The following SCRN1 variants were observed in gnomAD, a reference collection of about 807,000 sequenced individuals.
The protein encoded by SCRN1 is secernin 1.
A neutral mutation model predicts 43.3 loss-of-function variants in SCRN1; 19 were observed. The observed-to-expected ratio is 0.44, with a 90% confidence interval of 0.31 to 0.64. SCRN1 has a LOEUF of 0.64. Among genes scored for constraint, SCRN1 ranks in the 30% least tolerant of loss-of-function variants. The pLI is 0.09. For synonymous variants in SCRN1, 183 were observed against 188.9 expected (o/e 0.97, Z 0.26); for missense variants, 447 against 524.1 (o/e 0.85, Z 1.44).
chr7:29,949,380 CTTTT>C (rs796277151), intron 3 of SCRN1, among the ~76,000 whole-genome samples: 4 of 135,600 alleles, frequency 2.9e-5, no homozygotes, highest in Non-Finnish European at 4.8e-5. Flanking sequence ...TTCCTTCACT[CTTTT>C]TTTTTTTTTT....
chr7:29,932,651 C>CAAAAAAAAAA lies in SCRN1; in HGVS notation c.905+3895_905+3904dup, dbSNP rs1162835669. On this transcript the variant is annotated intron_variant, in intron 6 of 7. Coordinates refer to ENST00000242059, the MANE Select transcript of SCRN1 (RefSeq NM_014766.5). ...TAGGTAACAGAGTGAGATTCCATCT[C>CAAAAAAAAAA]AAAAAAAAAAAAAAAAAAAAAAAAA... Among the ~76,000 whole-genome samples, 22 of 8,048 alleles carry CAAAAAAAAAA rather than the reference C, an allele frequency of 2.7e-3. 1 individual carries two copies. The highest frequency in any genetic ancestry group is 8.9e-3 in the African/African-American group (21 of 2,362). 5.3% of individuals were successfully genotyped at this position (8,048 alleles called of 152,430 possible).
Position 29,924,008 on chromosome 7 carries a change from C to G in SCRN1, c.1194G>C (p.Val398=). ...CAACACAGTCATAGAAAAGGTCCCC[C>G]ACTTCCGCAGGGTCCAGTGGCTCGG... ...TSSEPLDPAE[V]GDLFYDCVDT... Residue 398 remains valine, a synonymous_variant, in exon 8 of 8, where the codon GTG becomes GTC. Coordinates refer to ENST00000242059, the MANE Select transcript of SCRN1 (RefSeq NM_014766.5). 6.2e-7 allele frequency: 1 copy of G among 1,614,124 alleles called. No individual in the cohort carries two copies.
intron 1 of SCRN1, among the ~76,000 whole-genome samples, chr7:29,985,207 G>A (rs1218648305): frequency 7.0e-6 from 1 of 142,430 alleles, no homozygotes; most frequent in South Asian, 2.2e-4. Flanking sequence ...AGTTTGAGAC[G>A]AGCCTGACCA....
rs529250656 is a variant in SCRN1 at position 29,951,336 on chromosome 7, C to T, written c.341+3843G>A. ...TGCTCACACACCCCTTTCCTCTCTG[C>T]GCCTGGCTTGTGCTTGGAAGGCATG... is the stretch of plus-strand genomic sequence containing the variant. On this transcript the variant is annotated intron_variant, in intron 3 of 7. Transcript: ENST00000242059. 2.8e-4 allele frequency among the ~76,000 whole-genome samples: 42 copies of T among 152,344 alleles called. No homozygotes were observed. In the East Asian group the frequency reaches 4.8e-3, roughly 17 times the overall value.
At chr7:29,973,566 A>G (rs921493127) in intron 1 of SCRN1, among the ~76,000 whole-genome samples, 3 of 152,240 alleles carry the variant, frequency 2.0e-5, no homozygotes, top group Admixed American at 6.5e-5. Flanking sequence ...AGAGGTGGGT[A>G]TATGATGGGC....
chr7:29,924,199 C>G, intron 7 of SCRN1, 84 bp from the exon 8 acceptor site: 14 of 1,404,346 alleles, frequency 1.0e-5, no homozygotes, highest in Admixed American at 2.3e-5. Flanking sequence ...AGGGGGCCAG[C>G]TGGCTTCCTG....
At chr7:29,985,861 A>C in intron 1 of SCRN1, among the ~76,000 whole-genome samples, 1 of 152,124 alleles carries the variant, frequency 6.6e-6, no homozygotes, top group Non-Finnish European at 1.5e-5. Context: ...TTTCTGTTTT[A>C]ACTTCTCCTT....
chr7:29,928,520 T>A (rs1450426535), intron 6 of SCRN1, among the ~76,000 whole-genome samples: 1 of 152,240 alleles, frequency 6.6e-6, no homozygotes, highest in Non-Finnish European at 1.5e-5. Context: ...GCTGGTGAAC[T>A]GAGTGGTACT....
In SCRN1 at chr7:29,924,106, G is replaced by A. The variant is rs1438793959; in HGVS notation, c.1096C>T (p.Arg366Cys). The change falls in exon 8 of 8, where the codon CGC (arginine) becomes TGC (cysteine). Residue 366 changes from arginine to cysteine, a missense_variant. Physicochemically the swap from Arg to Cys is radical, Grantham distance 180 (BLOSUM62 -3). Transcript: ENST00000242059. ...TCCAGCATGGTGCTCCTCAGCTTGC[G>A]ACCTTGCTCCTGAGGAAGGACACGA... ...AIIESDQEQG[R>C]KLRSTMLELE... The A allele has an allele frequency of 5.6e-6, 9 of 1,610,812 alleles. No homozygotes were observed. Among genetic ancestry groups the A allele is most frequent in the African/African-American group, 1.3e-5 (1 of 74,756 alleles).
intron 7 of SCRN1, 28 bp downstream of exon 7, chr7:29,926,424 C>G: frequency 6.2e-7 from 1 of 1,603,340 alleles, no homozygotes; most frequent in Non-Finnish European, 8.5e-7. Flanking sequence ...CCTCCGCCTC[C>G]GCCTCTGTGG....
chr7:29,973,682 G>A (rs1455067737), intron 1 of SCRN1, among the ~76,000 whole-genome samples: 1 of 152,172 alleles, frequency 6.6e-6, no homozygotes, highest in African/African-American at 2.4e-5. Context: ...GTTGAAAATT[G>A]CATACAGACA....
rs1230927388 is a variant in SCRN1, at chr7:29,940,575, A to G, written c.739+107T>C. On this transcript the variant is annotated intron_variant, in intron 5 of 7. Transcript: ENST00000242059. ...AAGTTGGTCTTTACATACAAGGACTATTCTGTATTCCTTTTTGTTCACCCT... is the reference window on the plus strand; with the variant it reads ...AAGTTGGTCTTTACATACAAGGACTGTTCTGTATTCCTTTTTGTTCACCCT... 5 of 1,064,270 alleles carry G rather than the reference A, an allele frequency of 4.7e-6. No individual in the cohort carries two copies. In the African/African-American group the frequency reaches 6.5e-5, roughly 14 times the overall value. 65.9% of individuals were successfully genotyped at this position (1,064,270 alleles called of 1,614,324 possible).
Position 29,968,956 on chromosome 7 carries a change from C to G in SCRN1, c.112G>C (p.Val38Leu). 2 of 1,614,172 alleles carry G rather than the reference C, an allele frequency of 1.2e-6. No homozygotes were observed. The highest frequency in any genetic ancestry group is 1.7e-6 in the Non-Finnish European group (2 of 1,180,028). Residue 38 changes from valine (V) to leucine (L), a missense_variant, in exon 2 of 8, where the codon GTT becomes CTT. By Grantham distance (32) the Val-to-Leu change is conservative (BLOSUM62 1). Coordinates refer to ENST00000242059, the MANE Select transcript of SCRN1 (RefSeq NM_014766.5). ...SARPRDEVQE[V>L]VYFSAADHEP... ...TGATCAGCAGCCGAGAAATACACAACCTCTTGCACTTCATCTCTGGGCCGG... is the reference window on the plus strand; with the variant it reads ...TGATCAGCAGCCGAGAAATACACAAGCTCTTGCACTTCATCTCTGGGCCGG...
rs149858373 is a variant in SCRN1, at chr7:29,969,029, G to A, written c.39C>T (p.Phe13=). The A allele has an allele frequency of 4.1e-5, 66 of 1,613,908 alleles. No individual in the cohort carries two copies. The African/African-American group carries it at 8.5e-4, about 21-fold the overall frequency. Residue 13 remains phenylalanine (F), a synonymous_variant, in exon 2 of 8, where the codon TTC becomes TTT. Coordinates refer to ENST00000242059, the MANE Select transcript of SCRN1 (RefSeq NM_014766.5). ...AAPPSYCFVA[F]PPRAKDGLVV... ...CCAGACCATCCTTAGCACGTGGAGG[G>A]AAGGCAACAAAACAGTAACTTGGAG...
intron 1 of SCRN1, among the ~76,000 whole-genome samples, chr7:29,981,234 TACTC>T (rs1788984119): frequency 6.6e-6 from 1 of 151,730 alleles, no homozygotes; most frequent in Non-Finnish European, 1.5e-5. Flanking sequence ...GTGAAAAAGA[TACTC>T]AGGAAAGCTT....
intron 3 of SCRN1, among the ~76,000 whole-genome samples, chr7:29,953,897 T>G (rs1407598534): frequency 6.6e-6 from 1 of 152,112 alleles, no homozygotes; most frequent in African/African-American, 2.4e-5. Context: ...GACCTCATAT[T>G]GAAAAAATGA....
At chr7:29,981,423 G>T (rs1473945423) in intron 1 of SCRN1, among the ~76,000 whole-genome samples, 1 of 152,234 alleles carries the variant, frequency 6.6e-6, no homozygotes, top group Non-Finnish European at 1.5e-5. Flanking sequence ...AAGAGAGAAA[G>T]TTAGTAACCC....
At chr7:29,987,036 T>C (rs902606012) in intron 1 of SCRN1, among the ~76,000 whole-genome samples, 5 of 152,136 alleles carry the variant, frequency 3.3e-5, no homozygotes, top group Admixed American at 6.5e-5. Flanking sequence ...AAGTTAGTTT[T>C]CTAAATGGCA....
At chr7:29,958,048 G>T (rs926849941) in intron 2 of SCRN1, among the ~76,000 whole-genome samples, 1 of 152,152 alleles carries the variant, frequency 6.6e-6, no homozygotes, top group African/African-American at 2.4e-5. Context: ...GAAGGAAGGG[G>T]ATCCCCAAGT....
Sources: gnomAD v4.1 joint callset for allele counts (sites outside exome capture counted in the v4.1 genomes callset) on GRCh38, gnomAD v4.1.1 for gene constraint, MANE v1.5 for transcripts, NCBI Gene and HGNC (gene_info 2026-07-23, HGNC 2026-07-21) for gene names.